ADCY8: variants seen among roughly 807,000 people sequenced by gnomAD.
ADCY8 encodes adenylate cyclase type 8.
ADCY8 carries 51 observed loss-of-function variants against 119.7 expected under a neutral mutation model. The ratio of observed to expected loss-of-function variants is 0.43; its 90% CI spans 0.34 to 0.54. The LOEUF (loss-of-function observed/expected upper bound fraction) is 0.54, where lower values mean the gene tolerates loss of function less well. ADCY8 is among the 20% of genes least tolerant of loss of function. The pLI is 0.03. For synonymous variants in ADCY8, 665 were observed against 651.0 expected (o/e 1.02, Z -0.33); for missense variants, 1,383 against 1,598.8 (o/e 0.87, Z 2.30).
chr8:130,850,092 G>T (rs569198087), intron 9 of ADCY8, among the ~76,000 whole-genome samples: 1 of 152,056 alleles, frequency 6.6e-6, no homozygotes, highest in East Asian at 1.9e-4. Context: ...TTGCTGTCAT[G>T]GCAACACACC....
chr8:130,831,499 G>T (rs1816832901), intron 12 of ADCY8, among the ~76,000 whole-genome samples: 1 of 152,188 alleles, frequency 6.6e-6, no homozygotes, highest in Non-Finnish European at 1.5e-5. Flanking sequence ...TGGGTCTAGA[G>T]AATGATAGGT....
rs1824335531 is a variant in ADCY8 at position 131,040,194 on chromosome 8, T to A, written c.140A>T (p.Glu47Val). 1 of 1,535,658 alleles carries A rather than the reference T, an allele frequency of 6.5e-7. No individual in the cohort carries two copies. Residue 47 changes from glutamate to valine, a missense_variant, in exon 1 of 18, where the codon GAG (glutamate) becomes GTG (valine). Physicochemically the swap from Glu to Val is moderately radical, Grantham distance 121. This residue lies in a region of ADCY8 where 455 missense variants were observed against 435.3 expected (regional missense o/e 1.05). Transcript: ENST00000286355. The part of the protein sequence containing the change: ...LWQTAVRHIT[E>V]QRFIHGHRGG... ...CCGGTGCCCGTGAATGAAGCGCTGC[T>A]CCGTGATGTGTCGCACCGCCGTCTG...
intron 14 of ADCY8, among the ~76,000 whole-genome samples, chr8:130,801,611 A>T (rs1489885038): frequency 1.3e-5 from 2 of 152,130 alleles, no homozygotes; most frequent in Admixed American, 6.5e-5. Context: ...TGTGGCTATC[A>T]ACTAGGTTCT....
chr8:130,888,530 T>C (rs1431278069), intron 7 of ADCY8, among the ~76,000 whole-genome samples: 1 of 152,108 alleles, frequency 6.6e-6, no homozygotes, highest in African/African-American at 2.4e-5. Context: ...TTTATCCTAA[T>C]GGAGATTCGT....
At chr8:131,035,944 T>C (rs1238377986) in intron 1 of ADCY8, among the ~76,000 whole-genome samples, 1 of 152,190 alleles carries the variant, frequency 6.6e-6, no homozygotes, top group Non-Finnish European at 1.5e-5. Context: ...TGCCCAGCAA[T>C]TCACTCATTT....
chr8:130,869,279 C>T (rs1818239059), intron 8 of ADCY8, among the ~76,000 whole-genome samples: 1 of 152,098 alleles, frequency 6.6e-6, no homozygotes, highest in Non-Finnish European at 1.5e-5. Context: ...CCATCCTCAA[C>T]CCTGATAAAA....
At chr8:130,957,512 A>G (rs749925777) in intron 2 of ADCY8, among the ~76,000 whole-genome samples, 14 of 152,226 alleles carry the variant, frequency 9.2e-5, no homozygotes, top group Non-Finnish European at 1.6e-4. Context: ...CTGAGGAGAA[A>G]TTCAAGCTGC....
At chr8:130,869,913 C>T (rs1243400447) in intron 8 of ADCY8, among the ~76,000 whole-genome samples, 1 of 151,268 alleles carries the variant, frequency 6.6e-6, no homozygotes, top group Non-Finnish European at 1.5e-5. Flanking sequence ...TTAATCAGTA[C>T]ACTAAAATTC....
At chr8:130,896,880 C>T (rs1427118782) in intron 7 of ADCY8, among the ~76,000 whole-genome samples, 1 of 152,044 alleles carries the variant, frequency 6.6e-6, no homozygotes, top group African/African-American at 2.4e-5. Context: ...GTATGTGGCT[C>T]ACCAGTATGG....
At chr8:130,833,010 C>A (rs913589558) in intron 12 of ADCY8, among the ~76,000 whole-genome samples, 1 of 152,156 alleles carries the variant, frequency 6.6e-6, no homozygotes, top group African/African-American at 2.4e-5. Flanking sequence ...GATGGTTTTA[C>A]TTTTATTTTT....
chr8:130,938,331 C>T (rs1820851781), intron 4 of ADCY8, among the ~76,000 whole-genome samples: 1 of 152,128 alleles, frequency 6.6e-6, no homozygotes, highest in Non-Finnish European at 1.5e-5. Context: ...TTAATATTGC[C>T]TCTTTCTATG....
In ADCY8 at chr8:130,822,535, AATCCATCCATCCATCCATCCATCC is replaced by A. The variant is rs145398330; in HGVS notation, c.2676-1139_2676-1116del. 4.3e-5 allele frequency among the ~76,000 whole-genome samples: 6 copies of A among 139,764 alleles called. No homozygotes were observed. In the South Asian group the frequency reaches 7.4e-4, roughly 17 times the overall value. The allele number at this position is 139,764 out of a possible 152,430, so 91.7% of individuals were successfully genotyped here. A position where few individuals can be genotyped will look rare whatever the true frequency, so the allele number is the denominator to read the frequency against. On this transcript the variant is annotated intron_variant, in intron 12 of 17. Transcript: ENST00000286355. ...GAATCCATGAATCCATGAATCCATG[AATCCATCCATCCATCCATCCATCC>A]ATCCATCCATCCATCCATCCATCCA...
chr8:130,891,581 G>C (rs1312394206), intron 7 of ADCY8, among the ~76,000 whole-genome samples: 1 of 152,120 alleles, frequency 6.6e-6, no homozygotes, highest in African/African-American at 2.4e-5. Flanking sequence ...AAGCTTCAAG[G>C]TGATCTAGTC....
At chr8:130,909,680 G>A (rs757908807) in intron 6 of ADCY8, 28 bp downstream of exon 6, 1 of 1,613,568 alleles carries the variant, frequency 6.2e-7, no homozygotes, top group Non-Finnish European at 8.5e-7. Context: ...CAACCGTTAA[G>A]CATGAAAAGG....
Position 130,847,497 on chromosome 8 carries a change from T to C in ADCY8, c.2429A>G (p.Asp810Gly), listed in dbSNP as rs374970227. 8.1e-6 allele frequency: 13 copies of C among 1,607,574 alleles called. No individual in the cohort carries two copies. In the African/African-American group the frequency reaches 1.6e-4, roughly 20 times the overall value. ...CAGGTTCTTCAAGGGTATCGACTTG[T>C]CAAAATCACACCACAGCTGCGGATT... ...AILNILWCDF[D>G]KSIPLKNLTF... Residue 810 changes from aspartate (D) to glycine (G), a missense_variant, in exon 11 of 18, where the codon GAC (aspartate) becomes GGC (glycine). Physicochemically the swap from Asp to Gly is moderately conservative, Grantham distance 94 (BLOSUM62 -1). This residue lies in a region of ADCY8 where 928 missense variants were observed against 1,163.5 expected (regional missense o/e 0.80). Transcript: ENST00000286355.
In ADCY8 at chr8:130,799,505, C is replaced by T. The variant is rs372602522; in HGVS notation, c.3060+921G>A. On this transcript the variant is annotated intron_variant, in intron 15 of 17. Coordinates refer to ENST00000286355, the MANE Select transcript of ADCY8 (RefSeq NM_001115.3). ...TGATGTAGTAGTTGTTTTTTTTTCCCGCCCCAAGCCCCTTTGTGGGGCCAT... is the reference window on the plus strand; with the variant it reads ...TGATGTAGTAGTTGTTTTTTTTTCCTGCCCCAAGCCCCTTTGTGGGGCCAT... Among the ~76,000 whole-genome samples the T allele has an allele frequency of 5.3e-5, 8 of 151,930 alleles. No homozygotes were observed. In the East Asian group the frequency reaches 7.7e-4, roughly 15 times the overall value.
intron 17 of ADCY8, 143 bp from the exon 18 acceptor site, chr8:130,781,020 A>G (rs1436962833): frequency 3.7e-6 from 4 of 1,082,252 alleles, no homozygotes; most frequent in East Asian, 2.4e-5. Flanking sequence ...CCAGTCACTT[A>G]TTAGATGTAT....
intron 2 of ADCY8, among the ~76,000 whole-genome samples, chr8:130,973,809 C>T (rs1821993501): frequency 6.6e-6 from 1 of 152,128 alleles, no homozygotes; most frequent in African/African-American, 2.4e-5. Context: ...CTCACAGCTA[C>T]TCAATGGAGC....
intron 1 of ADCY8, 92 bp downstream of exon 1, chr8:131,039,280 AAG>A (rs1824269580): frequency 6.5e-7 from 1 of 1,530,174 alleles, no homozygotes. Flanking sequence ...CGGAGACTTA[AAG>A]AGAGTGAGGC....
Sources: gnomAD v4.1 joint callset for allele counts (sites outside exome capture counted in the v4.1 genomes callset) on GRCh38, gnomAD v4.1.1 for gene constraint, gnomAD v4.1.1 regional missense constraint, MANE v1.5 for transcripts, NCBI Gene and HGNC (gene_info 2026-07-23, HGNC 2026-07-21) for gene names.